The following LINGO2 variants were observed in gnomAD, a reference collection of about 807,000 sequenced individuals.
The protein encoded by LINGO2 is leucine-rich repeat and immunoglobulin-like domain-containing nogo receptor-interacting protein 2.
LINGO2 carries 14 observed loss-of-function variants against 30.6 expected under a neutral mutation model. That is an observed-to-expected ratio of 0.46 (90% CI 0.30 to 0.72). The LOEUF (loss-of-function observed/expected upper bound fraction) is 0.72. Among genes scored for constraint, LINGO2 ranks in the 30% least tolerant of loss-of-function variants. The pLI is 0.07. For missense variants in LINGO2, 729 were observed against 751.7 expected, an observed-to-expected ratio of 0.97 and a Z score of 0.35; for synonymous variants, 317 against 288.5, an observed-to-expected ratio of 1.10 and a Z score of -1.00.
the LINGO2 span, among the ~76,000 whole-genome samples, chr9:28,685,471 A>C: frequency 6.6e-6 from 1 of 152,290 alleles, no homozygotes; most frequent in Non-Finnish European, 1.5e-5. Flanking sequence ...CTTTTATAAT[A>C]ATAACATTTC....
At chr9:28,585,964 T>C (rs1256879807) in intron 1 of LINGO2, among the ~76,000 whole-genome samples, 1 of 152,010 alleles carries the variant, frequency 6.6e-6, no homozygotes, top group Non-Finnish European at 1.5e-5. Flanking sequence ...TTCAAGTTTC[T>C]GGGTTGAGCA....
the LINGO2 span, among the ~76,000 whole-genome samples, chr9:29,091,639 C>T: frequency 5.6e-3 from 849 of 152,078 alleles, 3 homozygotes; most frequent in Middle Eastern, 0.037. Context: ...TCACCAGGTA[C>T]TTTACTGGAA....
the LINGO2 span, among the ~76,000 whole-genome samples, chr9:28,718,130 TG>T: frequency 6.6e-6 from 1 of 151,278 alleles, no homozygotes; most frequent in East Asian, 1.9e-4. Context: ...AAAAGCTTCA[TG>T]GGGGAGATGA....
intron 1 of LINGO2, among the ~76,000 whole-genome samples, chr9:28,593,007 G>C (rs1308153485): frequency 6.6e-6 from 1 of 151,970 alleles, no homozygotes; most frequent in Non-Finnish European, 1.5e-5. Flanking sequence ...GCCATATTGG[G>C]TGGAATTTGG....
At chr9:28,359,395 C>G (rs1479838796) in intron 3 of LINGO2, among the ~76,000 whole-genome samples, 1 of 151,998 alleles carries the variant, frequency 6.6e-6, no homozygotes, top group Non-Finnish European at 1.5e-5. Context: ...TTGCCAAACA[C>G]AAAACAAACA....
intron 5 of LINGO2, among the ~76,000 whole-genome samples, chr9:27,976,720 A>C (rs539607656): frequency 1.3e-5 from 2 of 152,124 alleles, no homozygotes; most frequent in South Asian, 2.1e-4. Flanking sequence ...GGGACTATTC[A>C]GAAATCTCAC....
chr9:28,191,344 G>T (rs150283137), intron 4 of LINGO2, among the ~76,000 whole-genome samples: 1 of 152,176 alleles, frequency 6.6e-6, no homozygotes, highest in Non-Finnish European at 1.5e-5. Context: ...TAGAGGTAAA[G>T]TATAGCTCTG....
chr9:28,994,313 G>A, the LINGO2 span, among the ~76,000 whole-genome samples: 1 of 152,140 alleles, frequency 6.6e-6, no homozygotes, highest in Non-Finnish European at 1.5e-5. Context: ...ACTTACAAGG[G>A]ATGTGAAGGA....
the LINGO2 span, among the ~76,000 whole-genome samples, chr9:28,717,156 C>T: frequency 6.6e-6 from 1 of 151,822 alleles, no homozygotes; most frequent in East Asian, 1.9e-4. Flanking sequence ...TAGGCAGAGG[C>T]TCTCAGAAAA....
chr9:28,333,709 C>T (rs547117327), intron 3 of LINGO2, among the ~76,000 whole-genome samples: 3 of 152,152 alleles, frequency 2.0e-5, no homozygotes, highest in South Asian at 2.1e-4. Flanking sequence ...ACGTCAGGGC[C>T]GTGCCATATC....
chr9:29,132,733 A>G, the LINGO2 span, among the ~76,000 whole-genome samples: 8 of 152,292 alleles, frequency 5.3e-5, no homozygotes, highest in East Asian at 1.5e-3. Context: ...GAAAACTTGT[A>G]GTCAAGACAA....
chr9:28,601,727 A>T (rs113857596), intron 1 of LINGO2, among the ~76,000 whole-genome samples: 9 of 152,240 alleles, frequency 5.9e-5, no homozygotes, highest in Middle Eastern at 3.4e-3. Flanking sequence ...ACTCCTGCTG[A>T]GAAAGAAGTA....
the LINGO2 span, among the ~76,000 whole-genome samples, chr9:29,183,585 C>A: frequency 6.6e-6 from 1 of 152,164 alleles, no homozygotes; most frequent in Non-Finnish European, 1.5e-5. Context: ...AGGAACTTTT[C>A]TCGGGTTCAT....
intron 2 of LINGO2, among the ~76,000 whole-genome samples, chr9:28,443,794 C>A (rs1265602705): frequency 6.6e-6 from 1 of 152,126 alleles, no homozygotes; most frequent in African/African-American, 2.4e-5. Context: ...ACAAACAGCA[C>A]GTTGATGGTG....
intron 1 of LINGO2, among the ~76,000 whole-genome samples, chr9:28,590,184 C>A (rs900790863): frequency 6.6e-6 from 1 of 151,460 alleles, no homozygotes; most frequent in African/African-American, 2.4e-5. Context: ...ACATGTTAGA[C>A]CTAAAACCAT....
intron 1 of LINGO2, among the ~76,000 whole-genome samples, chr9:28,634,108 A>G (rs957597849): frequency 6.6e-6 from 1 of 152,216 alleles, no homozygotes; most frequent in Non-Finnish European, 1.5e-5. Context: ...AAGCAAATGT[A>G]CAAAGAACAA....
intron 4 of LINGO2, among the ~76,000 whole-genome samples, chr9:28,187,948 T>C (rs1452226344): frequency 6.6e-6 from 1 of 152,216 alleles, no homozygotes; most frequent in Non-Finnish European, 1.5e-5. Flanking sequence ...GATTTGCTTC[T>C]TTATCTTTCT....
chr9:28,479,956 T>TATATATACAC (rs1491144467), intron 1 of LINGO2, among the ~76,000 whole-genome samples: 1 of 105,052 alleles, frequency 9.5e-6, no homozygotes, highest in African/African-American at 3.6e-5. Context: ...TATATATATA[T>TATATATACAC]GTACATTTTG....
At chr9:28,978,274 T>G in the LINGO2 span, among the ~76,000 whole-genome samples, 2 of 152,264 alleles carry the variant, frequency 1.3e-5, no homozygotes, top group South Asian at 4.1e-4. Context: ...GCAGCCCACA[T>G]TAATTTTCTT....
Sources: allele counts gnomAD v4.1 joint callset (sites outside exome capture counted in the v4.1 genomes callset), GRCh38; gene constraint gnomAD v4.1.1; transcripts MANE v1.5; gene names NCBI Gene and HGNC (gene_info 2026-07-23, HGNC 2026-07-21).